The following GKAP1 variants were observed in gnomAD, a reference collection of about 807,000 sequenced individuals.
The protein encoded by GKAP1 is G kinase anchoring protein 1.
Under a neutral mutation model 56.7 loss-of-function variants are expected in GKAP1, and 31 were observed. The ratio of observed to expected loss-of-function variants is 0.55; its 90% CI spans 0.41 to 0.74. The LOEUF is 0.74. Ranked by LOEUF, GKAP1 falls within the 30% of genes least tolerant of loss-of-function variation. The pLI is 0.00. For missense variants in GKAP1, 364 were observed against 402.3 expected, an observed-to-expected ratio of 0.90 and a Z score of 0.82; for synonymous variants, 151 against 138.6, an observed-to-expected ratio of 1.09 and a Z score of -0.63.
intron 3 of GKAP1, among the ~76,000 whole-genome samples, chr9:83,803,409 C>A (rs1406721926): frequency 1.3e-5 from 2 of 151,792 alleles, no homozygotes; most frequent in Non-Finnish European, 2.9e-5. Context: ...TGTGCCACCA[C>A]GCCTGACTGG....
chr9:83,799,424 C>T (rs1587734559), intron 3 of GKAP1, 96 bp from the exon 4 acceptor site: 2 of 863,304 alleles, frequency 2.3e-6, no homozygotes, highest in East Asian at 2.9e-5. Flanking sequence ...TATTTTTATA[C>T]TTCTACTGAA....
intron 6 of GKAP1, among the ~76,000 whole-genome samples, chr9:83,784,396 G>A (rs921909315): frequency 6.6e-6 from 1 of 152,146 alleles, no homozygotes; most frequent in African/African-American, 2.4e-5. Context: ...GGGCAAATTT[G>A]GCCCCCTTTT....
rs1370880881 is a variant in GKAP1, at chr9:83,753,247, T to C, written c.840+11A>G. ...AATTATTTTCTTTAACAACAGTAAA[T>C]GGACACAAACCTCCCATTGAGTGAT... On this transcript the variant is annotated intron_variant, in intron 9 of 12. Transcript: ENST00000376371. The C allele has an allele frequency of 2.0e-6, 3 of 1,493,858 alleles. No homozygotes were observed. Among genetic ancestry groups the C allele is most frequent in the East Asian group, 2.3e-5 (1 of 44,148 alleles). 92.5% of individuals were successfully genotyped at this position (1,493,858 alleles called of 1,614,324 possible). A position where few individuals can be genotyped will look rare whatever the true frequency, so the allele number is the denominator to read the frequency against.
At chr9:83,791,810 G>A (rs1641533351) in intron 4 of GKAP1, among the ~76,000 whole-genome samples, 5 of 152,048 alleles carry the variant, frequency 3.3e-5, no homozygotes. Context: ...TTGAGAAAAA[G>A]AAGATCAACA....
At chr9:83,805,460 CAATAAAAAAAATAAAA>C (rs1944423931) in intron 3 of GKAP1, among the ~76,000 whole-genome samples, 1 of 116,234 alleles carries the variant, frequency 8.6e-6, no homozygotes, top group Admixed American at 7.7e-5. Flanking sequence ...CAAGAATGAT[CAATAAAAAAAATAAAA>C]AATAAAAAAA....
chr9:83,799,706 C>G (rs1005022777), intron 3 of GKAP1, among the ~76,000 whole-genome samples: 7 of 152,110 alleles, frequency 4.6e-5, no homozygotes, highest in Admixed American at 2.6e-4. Flanking sequence ...CTAATCTTAG[C>G]CCATTGGAAG....
intron 4 of GKAP1, among the ~76,000 whole-genome samples, chr9:83,796,125 T>C (rs1183213834): frequency 6.6e-6 from 1 of 152,134 alleles, no homozygotes; most frequent in Non-Finnish European, 1.5e-5. Context: ...AGAGCTAGGG[T>C]CTCACTATGT....
intron 4 of GKAP1, chr9:83,793,029 A>G (rs1342710099): frequency 7.9e-7 from 1 of 1,271,514 alleles, no homozygotes; most frequent in African/African-American, 1.5e-5. Context: ...TAGTAGTAAA[A>G]CATTTTTTCT....
intron 8 of GKAP1, among the ~76,000 whole-genome samples, chr9:83,760,915 G>A (rs1943558981): frequency 1.3e-5 from 2 of 151,392 alleles, no homozygotes; most frequent in Admixed American, 1.3e-4. Flanking sequence ...CCAAAAAGAA[G>A]AAAAATTTCA....
intron 5 of GKAP1, among the ~76,000 whole-genome samples, chr9:83,788,027 C>T (rs1242729600): frequency 6.6e-6 from 1 of 152,154 alleles, no homozygotes; most frequent in Non-Finnish European, 1.5e-5. Flanking sequence ...CCTGTAATCC[C>T]AGCACTTTGG....
intron 9 of GKAP1, among the ~76,000 whole-genome samples, chr9:83,750,559 C>T (rs187476007): frequency 1.3e-5 from 2 of 152,224 alleles, no homozygotes; most frequent in African/African-American, 2.4e-5. Context: ...ACAGCAGCTG[C>T]GTCATTTTAC....
chr9:83,773,555 C>T (rs532336566), intron 7 of GKAP1, among the ~76,000 whole-genome samples: 1 of 152,218 alleles, frequency 6.6e-6, no homozygotes, highest in Admixed American at 6.5e-5. Context: ...TGATCCCACA[C>T]CATTCTACTT....
intron 6 of GKAP1, among the ~76,000 whole-genome samples, chr9:83,781,510 C>T (rs1339071403): frequency 6.6e-6 from 1 of 152,172 alleles, no homozygotes; most frequent in South Asian, 2.1e-4. Context: ...AATCTAAAAG[C>T]TGGTCCAGTT....
At chr9:83,817,481 G>C (rs1944637609) in intron 1 of GKAP1, 36 bp downstream of exon 1, 1 of 151,462 alleles carries the variant, frequency 6.6e-6, no homozygotes, top group Admixed American at 6.6e-5. Flanking sequence ...TGCCGGAGCG[G>C]ACACCCGCGA....
intron 10 of GKAP1, among the ~76,000 whole-genome samples, chr9:83,746,527 C>T (rs1943297311): frequency 6.6e-6 from 1 of 151,952 alleles, no homozygotes; most frequent in South Asian, 2.1e-4. Flanking sequence ...ATGGTGAAAC[C>T]CCGTCTCTAG....
chr9:83,784,090 C>A (rs1177576786), intron 6 of GKAP1, among the ~76,000 whole-genome samples: 1 of 137,520 alleles, frequency 7.3e-6, no homozygotes, highest in Non-Finnish European at 1.6e-5. Context: ...GATGGTGAAA[C>A]CCTGTCTCTA....
At chr9:83,748,250 G>T in intron 10 of GKAP1, 59 bp downstream of exon 10, 1 of 1,147,814 alleles carries the variant, frequency 8.7e-7, no homozygotes, top group Non-Finnish European at 1.3e-6. Flanking sequence ...ATTTGAAAAA[G>T]TACCTTCAGA....
chr9:83,756,025 G>C (rs1943468991), intron 8 of GKAP1, among the ~76,000 whole-genome samples: 1 of 151,808 alleles, frequency 6.6e-6, no homozygotes, highest in African/African-American at 2.4e-5. Flanking sequence ...GGCTGGTCTT[G>C]AACTCCAGAT....
intron 4 of GKAP1, among the ~76,000 whole-genome samples, chr9:83,791,861 G>A (rs1002341893): frequency 6.6e-6 from 1 of 152,198 alleles, no homozygotes; most frequent in Non-Finnish European, 1.5e-5. Flanking sequence ...ATCCTTTTAA[G>A]TTGGTATTTA....
Sources: allele counts gnomAD v4.1 joint callset (sites outside exome capture counted in the v4.1 genomes callset), GRCh38; gene constraint gnomAD v4.1.1; transcripts MANE v1.5; gene names NCBI Gene and HGNC (gene_info 2026-07-23, HGNC 2026-07-21).